The following PLCG2 variants were observed in gnomAD, a reference collection of about 807,000 sequenced individuals.
The protein encoded by PLCG2 is phospholipase C gamma 2.
In PLCG2, 69 loss-of-function variants were observed where a neutral mutation model predicts 175.6. The observed-to-expected ratio is 0.39, with a 90% CI of 0.32 to 0.48. The LOEUF is 0.48. Among genes scored for constraint, PLCG2 ranks in the 20% least tolerant of loss-of-function variants. PLCG2 has a pLI of 0.91. For synonymous variants in PLCG2, 827 were observed against 624.0 expected (o/e 1.33, Z -4.85); for missense variants, 1,798 against 1,650.9 (o/e 1.09, Z -1.54).
chr16:81,786,601 G>C (rs1192272802), intron 2 of PLCG2, among the ~76,000 whole-genome samples: 3 of 152,194 alleles, frequency 2.0e-5, no homozygotes, highest in Non-Finnish European at 4.4e-5. Flanking sequence ...GCATACCATA[G>C]CAGTGAGGGG....
chr16:81,858,437 GGA>G, intron 4 of PLCG2, 81 bp downstream of exon 4: 10 of 286,656 alleles, frequency 3.5e-5, no homozygotes, highest in East Asian at 1.3e-4. Flanking sequence ...GCTACAGGGG[GGA>G]AAAAAAAAAA....
At chr16:81,746,338 A>G (rs766543828) in intron 1 of PLCG2, among the ~76,000 whole-genome samples, 2 of 152,152 alleles carry the variant, frequency 1.3e-5, no homozygotes, top group African/African-American at 2.4e-5. Context: ...CAGGTGGAGA[A>G]CCCAACTCCC....
chr16:81,746,463 C>T (rs1909709375), intron 1 of PLCG2, among the ~76,000 whole-genome samples: 1 of 152,228 alleles, frequency 6.6e-6, no homozygotes, highest in Non-Finnish European at 1.5e-5. Context: ...GTGGTGCCTT[C>T]TGGGGAGGGT....
At chr16:81,853,544 C>T (rs1196006037) in intron 2 of PLCG2, among the ~76,000 whole-genome samples, 2 of 152,162 alleles carry the variant, frequency 1.3e-5, no homozygotes, top group African/African-American at 4.8e-5. Context: ...CCAATAAGGA[C>T]CACACAACCT....
intron 9 of PLCG2, among the ~76,000 whole-genome samples, chr16:81,887,411 G>A (rs534234858): frequency 7.6e-4 from 116 of 152,246 alleles, no homozygotes; most frequent in African/African-American, 2.6e-3. Context: ...GAGCCACCAC[G>A]CCCGGCCTAG....
intron 32 of PLCG2, among the ~76,000 whole-genome samples, chr16:81,957,248 G>A (rs758692921): frequency 2.0e-5 from 3 of 151,724 alleles, no homozygotes; most frequent in Admixed American, 6.6e-5. Flanking sequence ...GCAGTGAGCC[G>A]AGATCACACC....
chr16:81,778,043 C>CAAACAAAAA (rs1910507100), upstream of PLCG2, among the ~76,000 whole-genome samples: 1 of 59,860 alleles, frequency 1.7e-5, no homozygotes, highest in Non-Finnish European at 3.2e-5. Flanking sequence ...AAAAAAAAAA[C>CAAACAAAAA]AAAAAAAAAA....
chr16:81,770,951 G>A (rs1309238112), intron 2 of PLCG2, among the ~76,000 whole-genome samples: 3 of 151,840 alleles, frequency 2.0e-5, no homozygotes, highest in South Asian at 2.1e-4. Context: ...CCAGCTACTC[G>A]GGAGGCTGAG....
intron 2 of PLCG2, among the ~76,000 whole-genome samples, chr16:81,847,748 T>G (rs1906200444): frequency 6.6e-6 from 1 of 152,226 alleles, no homozygotes; most frequent in Non-Finnish European, 1.5e-5. Flanking sequence ...AGTATAATTA[T>G]TTACATAACA....
chr16:81,834,255 A>G (rs1179994127), intron 2 of PLCG2, among the ~76,000 whole-genome samples: 1 of 152,182 alleles, frequency 6.6e-6, no homozygotes. Context: ...ATGTTCAGTA[A>G]GGGGGACCTG....
rs559405939 is a variant in PLCG2, at chr16:81,881,667, C to T, written c.692+714C>T. ...TTTTATATAGTATGTATATTCGAGACGGAGCCTCCCTTTGTCGCCTAGGCT... is the reference window on the plus strand; with the variant it reads ...TTTTATATAGTATGTATATTCGAGATGGAGCCTCCCTTTGTCGCCTAGGCT... On this transcript the variant is annotated intron_variant, in intron 8 of 32. Coordinates refer to ENST00000564138, the MANE Select transcript of PLCG2 (RefSeq NM_002661.5). Among the ~76,000 whole-genome samples, 5 of 152,310 alleles carry T rather than the reference C, an allele frequency of 3.3e-5. No individual in the cohort carries two copies. The East Asian group carries it at 5.8e-4, about 18-fold the overall frequency.
intron 2 of PLCG2, among the ~76,000 whole-genome samples, chr16:81,762,212 C>T (rs377044361): frequency 2.0e-5 from 3 of 152,220 alleles, no homozygotes; most frequent in South Asian, 2.1e-4. Flanking sequence ...AATTTTAATG[C>T]ATTTCAAAGT....
At chr16:81,861,911 C>T (rs1375811473) in intron 5 of PLCG2, among the ~76,000 whole-genome samples, 1 of 152,202 alleles carries the variant, frequency 6.6e-6, no homozygotes, top group Non-Finnish European at 1.5e-5. Context: ...GGACCCTCTG[C>T]AGAGAGAAAC....
intron 5 of PLCG2, among the ~76,000 whole-genome samples, chr16:81,867,984 C>T (rs1049876385): frequency 3.9e-5 from 6 of 152,214 alleles, no homozygotes; most frequent in Non-Finnish European, 2.9e-5. Flanking sequence ...CAGGCGTGAG[C>T]CACCACCGTG....
intron 2 of PLCG2, among the ~76,000 whole-genome samples, chr16:81,850,045 A>G (rs1906327066): frequency 6.6e-6 from 1 of 152,240 alleles, no homozygotes; most frequent in Non-Finnish European, 1.5e-5. Context: ...TTAAAAAGTC[A>G]AAGGCACAAG....
intron 2 of PLCG2, among the ~76,000 whole-genome samples, chr16:81,761,702 C>G (rs1242622063): frequency 6.6e-6 from 1 of 152,042 alleles, no homozygotes; most frequent in Non-Finnish European, 1.5e-5. Flanking sequence ...ATTGTATTTG[C>G]TATGTAGTTG....
chr16:81,850,377 G>A (rs780549675), intron 2 of PLCG2, among the ~76,000 whole-genome samples: 17 of 152,196 alleles, frequency 1.1e-4, no homozygotes, highest in African/African-American at 2.7e-4. Context: ...AAAAGTTTCA[G>A]TGCACGAAAA....
chr16:81,905,724 T>C (rs776035006), intron 15 of PLCG2, among the ~76,000 whole-genome samples: 1 of 152,200 alleles, frequency 6.6e-6, no homozygotes. Context: ...AGTGGTGTGA[T>C]TGCGGCTCAC....
intron 3 of PLCG2, 167 bp from the exon 4 acceptor site, chr16:81,858,096 G>T: frequency 2.9e-6 from 1 of 347,468 alleles, no homozygotes; most frequent in South Asian, 3.6e-5. Context: ...CAAAAAGCAG[G>T]TCCTAGGGCC....
Sources: allele counts gnomAD v4.1 joint callset (sites outside exome capture counted in the v4.1 genomes callset), GRCh38; gene constraint gnomAD v4.1.1; transcripts MANE v1.5; gene names NCBI Gene and HGNC (gene_info 2026-07-23, HGNC 2026-07-21).